The following BLK variants were observed in gnomAD, a reference collection of about 807,000 sequenced individuals.
BLK encodes the protein tyrosine-protein kinase Blk.
Under a neutral mutation model 61.8 loss-of-function variants are expected in BLK, and 64 were observed. The ratio of observed to expected loss-of-function variants is 1.03; its 90% CI spans 0.85 to 1.27. The LOEUF is 1.27. BLK is among the 50% of genes most tolerant of loss of function. The pLI is 0.00. For synonymous variants in BLK, 351 were observed against 272.0 expected, an observed-to-expected ratio of 1.29 and a Z score of -2.86; for missense variants, 853 against 660.5, an observed-to-expected ratio of 1.29 and a Z score of -3.19.
chr8:11,561,516 G>C lies in BLK; in HGVS notation c.1180+64G>C, dbSNP rs73545881. On this transcript the variant is annotated intron_variant, in intron 11 of 12. Transcript: ENST00000259089. ...TTATCTTTCCCAGCTCCTCAAAGCC[G>C]CCTTTAACTTCTCCCAGCACAGCCC... The C allele has an allele frequency of 0.012, 19,048 of 1,577,914 alleles. 345 individuals carry two copies. Among genetic ancestry groups the C allele is most frequent in the African/African-American group, 0.075 (5,578 of 74,064 alleles).
chr8:11,540,420 T>A (rs1215247948), intron 1 of BLK, among the ~76,000 whole-genome samples: 1 of 152,178 alleles, frequency 6.6e-6, no homozygotes. Context: ...TTCATGCGGT[T>A]TTGATTACAA....
intron 1 of BLK, among the ~76,000 whole-genome samples, chr8:11,499,896 C>T (rs1798492680): frequency 6.6e-6 from 1 of 152,070 alleles, no homozygotes; most frequent in Non-Finnish European, 1.5e-5. Flanking sequence ...GGTCTAATTT[C>T]TTTATCTGTT....
chr8:11,512,249 C>G (rs1036370850), intron 1 of BLK, among the ~76,000 whole-genome samples: 2 of 152,320 alleles, frequency 1.3e-5, no homozygotes, highest in African/African-American at 4.8e-5. Flanking sequence ...TGAACGAAGA[C>G]TAGTTCTTCA....
intron 12 of BLK, 47 bp downstream of exon 12, chr8:11,563,157 GC>G: frequency 6.2e-7 from 1 of 1,612,170 alleles, no homozygotes; most frequent in South Asian, 1.1e-5. Context: ...TTCCCGGCCG[GC>G]CCTGATGGCA....
At chr8:11,547,232 G>C (rs569408586) in intron 3 of BLK, among the ~76,000 whole-genome samples, 1 of 152,366 alleles carries the variant, frequency 6.6e-6, no homozygotes, top group South Asian at 2.1e-4. Context: ...TAAAACTTCA[G>C]GGAACCACTG....
chr8:11,531,010 A>ATGATC (rs765587991), intron 1 of BLK, among the ~76,000 whole-genome samples: 21 of 152,126 alleles, frequency 1.4e-4, no homozygotes, highest in Admixed American at 3.3e-4. Context: ...AACACTTGGT[A>ATGATC]TGATCGGTCA....
In BLK at chr8:11,558,640, C is replaced by T. The variant is rs1172728398; in HGVS notation, c.1029+602C>T. 1.1e-5 allele frequency: 5 copies of T among 455,918 alleles called. No homozygotes were observed. The Admixed American group carries it at 1.2e-4, about 11-fold the overall frequency. 28.2% of individuals were successfully genotyped at this position (455,918 alleles called of 1,614,324 possible). ...GCTACCCAGGACTGGTCCTCAGTGTCCCTCACGTTCACATGCAGAACTTTC... is the reference window on the plus strand; with the variant it reads ...GCTACCCAGGACTGGTCCTCAGTGTTCCTCACGTTCACATGCAGAACTTTC... On this transcript the variant is annotated intron_variant, in intron 10 of 12. Transcript: ENST00000259089.
chr8:11,520,135 A>G (rs1048419757), intron 1 of BLK, among the ~76,000 whole-genome samples: 1 of 152,230 alleles, frequency 6.6e-6, no homozygotes, highest in Admixed American at 6.5e-5. Flanking sequence ...CATGATGTTT[A>G]ATATGATTAA....
rs1335179804 is a variant in BLK at position 11,564,193 on chromosome 8, G to A, written c.*85G>A. ...CCATCCCAGACGGGCCGCGAAGGCG[G>A]GGTGTCGCCTGTGCCCTTTTCTCAG... On this transcript the variant is annotated 3_prime_UTR_variant, in exon 13 of 13. Transcript: ENST00000259089. The A allele has an allele frequency of 3.4e-6, 5 of 1,462,682 alleles. No individual in the cohort carries two copies. The highest frequency in any genetic ancestry group is 4.6e-6 in the Non-Finnish European group (5 of 1,082,632). The allele number at this position is 1,462,682 out of a possible 1,614,324, so 90.6% of individuals were successfully genotyped here. A position where few individuals can be genotyped will look rare whatever the true frequency, so the allele number is the denominator to read the frequency against.
chr8:11,512,991 C>T (rs570575647), intron 1 of BLK, among the ~76,000 whole-genome samples: 14 of 152,262 alleles, frequency 9.2e-5, no homozygotes, highest in African/African-American at 2.9e-4. Flanking sequence ...TAAGGTCTTA[C>T]GGGCCACATA....
At chr8:11,516,383 C>T (rs928906300) in intron 1 of BLK, among the ~76,000 whole-genome samples, 2 of 152,232 alleles carry the variant, frequency 1.3e-5, no homozygotes, top group Non-Finnish European at 2.9e-5. Flanking sequence ...GGGTGGGTCT[C>T]ACGACCGCCC....
chr8:11,545,835 C>T lies in BLK; in HGVS notation c.124-217C>T, dbSNP rs565022610. On this transcript the variant is annotated intron_variant, in intron 2 of 12. Coordinates refer to ENST00000259089, the MANE Select transcript of BLK (RefSeq NM_001715.3). ...ATCCACATTGGGGCATCCCCCAGCG[C>T]GGTCAGGGCAAAGGCAGCAGAGGGC... 8.8e-5 allele frequency: 54 copies of T among 614,852 alleles called. 1 individual carries two copies. The highest frequency in any genetic ancestry group is 7.1e-4 in the South Asian group (39 of 55,056). 38.1% of individuals were successfully genotyped at this position (614,852 alleles called of 1,614,324 possible).
intron 1 of BLK, among the ~76,000 whole-genome samples, chr8:11,529,569 G>T (rs979539144): frequency 6.6e-6 from 1 of 152,178 alleles, no homozygotes; most frequent in Non-Finnish European, 1.5e-5. Flanking sequence ...TCAGAATCTT[G>T]TAGCCTCCAG....
intron 1 of BLK, among the ~76,000 whole-genome samples, chr8:11,510,839 T>C (rs1375032464): frequency 6.6e-6 from 1 of 152,110 alleles, no homozygotes; most frequent in East Asian, 1.9e-4. Flanking sequence ...AGTGCCTCTT[T>C]GTTAAGGCAG....
chr8:11,521,567 A>T (rs1444744884), intron 1 of BLK, among the ~76,000 whole-genome samples: 1 of 152,262 alleles, frequency 6.6e-6, no homozygotes, highest in African/African-American at 2.4e-5. Flanking sequence ...CTGGGATTGC[A>T]GGTGTGAGCC....
intron 1 of BLK, among the ~76,000 whole-genome samples, chr8:11,525,899 C>T (rs1387489585): frequency 6.6e-6 from 1 of 152,118 alleles, no homozygotes; most frequent in East Asian, 1.9e-4. Flanking sequence ...CACCCACCAC[C>T]ATGTCCGGCT....
intron 6 of BLK, among the ~76,000 whole-genome samples, chr8:11,551,546 G>C (rs1800905925): frequency 6.6e-6 from 1 of 152,158 alleles, no homozygotes; most frequent in Non-Finnish European, 1.5e-5. Flanking sequence ...TATGAATTGG[G>C]AGCGCACATG....
intron 10 of BLK, chr8:11,560,890 G>T (rs1277691815): frequency 2.1e-6 from 1 of 466,854 alleles, no homozygotes; most frequent in Non-Finnish European, 4.3e-6. Context: ...CCAGCTCCAG[G>T]AGCTGTGCTT....
At chr8:11,559,928 C>A in intron 10 of BLK, 1 of 440,050 alleles carries the variant, frequency 2.3e-6, no homozygotes, top group Non-Finnish European at 4.6e-6. Context: ...GCAGCTTCTT[C>A]TTGAAAGCAG....
Sources: gnomAD v4.1 joint callset for allele counts (sites outside exome capture counted in the v4.1 genomes callset) on GRCh38, gnomAD v4.1.1 for gene constraint, MANE v1.5 for transcripts, NCBI Gene and HGNC (gene_info 2026-07-23, HGNC 2026-07-21) for gene names.